CSMD1: variants seen among roughly 807,000 people sequenced by gnomAD.
CSMD1 encodes the protein CUB and sushi domain-containing protein 1.
CSMD1 carries 213 observed loss-of-function variants against 417.5 expected under a neutral mutation model. The ratio of observed to expected loss-of-function variants is 0.51; its 90% confidence interval spans 0.46 to 0.57. The LOEUF (loss-of-function observed/expected upper bound fraction) is 0.57. Among genes scored for constraint, CSMD1 ranks in the 20% least tolerant of loss-of-function variants. CSMD1 has a pLI of 0.00. For missense variants in CSMD1, 6,923 were observed against 4,529.7 expected, an observed-to-expected ratio of 1.53 and a Z score of -15.17; for synonymous variants, 2,862 against 1,736.8, an observed-to-expected ratio of 1.65 and a Z score of -16.11.
At chr8:3,304,022 C>T (rs550217275) in intron 25 of CSMD1, among the ~76,000 whole-genome samples, 1 of 152,084 alleles carries the variant, frequency 6.6e-6, no homozygotes, top group Non-Finnish European at 1.5e-5. Flanking sequence ...AGAAGTTGCT[C>T]TGGGCCTCAA....
chr8:3,354,875 A>ATATCTATAGATAAGTCTATCTATAGATC (rs1808648048), intron 21 of CSMD1, among the ~76,000 whole-genome samples: 1 of 71,522 alleles, frequency 1.4e-5, no homozygotes, highest in African/African-American at 7.1e-5. Context: ...AGATATACAT[A>ATATCTATAGATAAGTCTATCTATAGATC]TATCTATAGA....
At chr8:4,333,557 C>T (rs1197898102) in intron 3 of CSMD1, among the ~76,000 whole-genome samples, 4 of 152,142 alleles carry the variant, frequency 2.6e-5, no homozygotes, top group African/African-American at 9.7e-5. Context: ...ATATGCACAC[C>T]ATGACATGCA....
intron 2 of CSMD1, among the ~76,000 whole-genome samples, chr8:4,613,983 T>G (rs889870368): frequency 6.6e-6 from 1 of 151,722 alleles, no homozygotes; most frequent in African/African-American, 2.4e-5. Context: ...TCATGGAAAA[T>G]AAAGATTTTA....
rs1455646367 is a variant in CSMD1, at chr8:3,411,902, A to ACATGCACG, written c.1562-2298_1562-2297insCGTGCATG. Among the ~76,000 whole-genome samples, 67 of 137,846 alleles carry ACATGCACG rather than the reference A, an allele frequency of 4.9e-4. 6 individuals carry two copies. Among genetic ancestry groups the ACATGCACG allele is most frequent in the Non-Finnish European group, 5.9e-4 (37 of 62,744 alleles). The allele number at this position is 137,846 out of a possible 152,430, so 90.4% of individuals were successfully genotyped here. A position where few individuals can be genotyped will look rare whatever the true frequency, so the allele number is the denominator to read the frequency against. ...TATATACACGTATATATGCACGTAT[A>ACATGCACG]TATACACGTATATATGCACGTATAT... On this transcript the variant is annotated intron_variant, in intron 12 of 69. Coordinates refer to ENST00000635120, the MANE Select transcript of CSMD1 (RefSeq NM_033225.6).
At chr8:3,390,524 G>C (rs964096470) in intron 17 of CSMD1, among the ~76,000 whole-genome samples, 5 of 152,026 alleles carry the variant, frequency 3.3e-5, no homozygotes, top group African/African-American at 9.7e-5. Context: ...TCTCCTGCCT[G>C]ACAGCACAAA....
At chr8:2,994,963 T>C (rs911321694) in intron 54 of CSMD1, among the ~76,000 whole-genome samples, 2 of 152,240 alleles carry the variant, frequency 1.3e-5, no homozygotes, top group East Asian at 1.9e-4. Context: ...TGCAAAGTGA[T>C]AGACAAAATA....
chr8:4,667,447 A>G (rs1408904381), intron 1 of CSMD1, among the ~76,000 whole-genome samples: 1 of 152,140 alleles, frequency 6.6e-6, no homozygotes, highest in Non-Finnish European at 1.5e-5. Context: ...TTAGAAAAAA[A>G]AAAAGAAACT....
At chr8:4,088,858 A>C (rs1800566429) in intron 3 of CSMD1, among the ~76,000 whole-genome samples, 1 of 152,072 alleles carries the variant, frequency 6.6e-6, no homozygotes, top group South Asian at 2.1e-4. Context: ...CCTGGTTTCC[A>C]TGACACCGCT....
intron 10 of CSMD1, among the ~76,000 whole-genome samples, chr8:3,517,266 G>C (rs2117431063): frequency 6.6e-6 from 1 of 152,310 alleles, no homozygotes; most frequent in South Asian, 2.1e-4. Context: ...AAGACACAGA[G>C]TTGTGAATCA....
At chr8:4,049,176 G>C (rs1055611406) in intron 3 of CSMD1, among the ~76,000 whole-genome samples, 14 of 152,006 alleles carry the variant, frequency 9.2e-5, no homozygotes, top group African/African-American at 3.1e-4. Context: ...ACATCAAAGA[G>C]TCTATCTTAG....
intron 1 of CSMD1, among the ~76,000 whole-genome samples, chr8:4,692,812 A>C (rs1165181747): frequency 1.3e-5 from 2 of 152,120 alleles, no homozygotes; most frequent in African/African-American, 4.8e-5. Flanking sequence ...CAAATTTTTA[A>C]ATTTCTACCA....
intron 1 of CSMD1, among the ~76,000 whole-genome samples, chr8:4,716,122 G>A (rs1041038022): frequency 1.3e-5 from 2 of 152,162 alleles, no homozygotes; most frequent in African/African-American, 2.4e-5. Context: ...TCACAGAGCT[G>A]TGAGATGACC....
intron 30 of CSMD1, among the ~76,000 whole-genome samples, chr8:3,213,023 T>C (rs1343057033): frequency 6.6e-6 from 1 of 151,746 alleles, no homozygotes; most frequent in Non-Finnish European, 1.5e-5. Flanking sequence ...AGAAAGGGGG[T>C]TTCTCCATGT....
intron 3 of CSMD1, among the ~76,000 whole-genome samples, chr8:4,386,916 C>T (rs1028331053): frequency 2.6e-5 from 4 of 152,074 alleles, no homozygotes; most frequent in Admixed American, 6.5e-5. Context: ...AAGGAAACTT[C>T]GAGGCAGATA....
At chr8:3,691,577 A>G (rs558569173) in intron 7 of CSMD1, among the ~76,000 whole-genome samples, 16 of 152,278 alleles carry the variant, frequency 1.1e-4, no homozygotes, top group Admixed American at 8.5e-4. Context: ...ATAACTTTAT[A>G]ATCTTCCAAC....
At chr8:4,036,997 G>A (rs1797655899) in intron 3 of CSMD1, among the ~76,000 whole-genome samples, 1 of 145,782 alleles carries the variant, frequency 6.9e-6, no homozygotes. Flanking sequence ...GTGTGTGTGT[G>A]ATCCTGCCAT....
At chr8:4,196,083 C>T (rs978265277) in intron 3 of CSMD1, among the ~76,000 whole-genome samples, 8 of 152,000 alleles carry the variant, frequency 5.3e-5, no homozygotes, top group South Asian at 2.1e-4. Flanking sequence ...TGGTGACGGG[C>T]GCCTGTAGTC....
intron 26 of CSMD1, among the ~76,000 whole-genome samples, chr8:3,239,674 C>T (rs1799369822): frequency 6.6e-6 from 1 of 152,180 alleles, no homozygotes. Flanking sequence ...ATGAGAGGTT[C>T]TAAGAGGCGG....
intron 26 of CSMD1, among the ~76,000 whole-genome samples, chr8:3,242,127 T>A (rs1799576270): frequency 1.3e-5 from 2 of 151,612 alleles, no homozygotes; most frequent in Non-Finnish European, 2.9e-5. Flanking sequence ...ACTATGCCTT[T>A]AGCTCCAGCC....
Sources: gnomAD v4.1 joint callset for allele counts (sites outside exome capture counted in the v4.1 genomes callset) on GRCh38, gnomAD v4.1.1 for gene constraint, MANE v1.5 for transcripts, NCBI Gene and HGNC (gene_info 2026-07-23, HGNC 2026-07-21) for gene names.